The following MRC1 variants were observed in gnomAD, a reference collection of about 807,000 sequenced individuals.
MRC1 encodes the protein macrophage mannose receptor 1.
In MRC1, 62 loss-of-function variants were observed where a neutral mutation model predicts 102.9. The observed-to-expected ratio is 0.60, with a 90% CI of 0.49 to 0.74. The LOEUF (loss-of-function observed/expected upper bound fraction) is 0.74, where lower values mean the gene tolerates loss of function less well. Among genes scored for constraint, MRC1 ranks in the 30% least tolerant of loss-of-function variants. The pLI, the probability that MRC1 is intolerant of heterozygous loss-of-function variation, is 0.00. For synonymous variants in MRC1, 457 were observed against 298.4 expected, an observed-to-expected ratio of 1.53 and a Z score of -5.48; for missense variants, 1,237 against 862.8, an observed-to-expected ratio of 1.43 and a Z score of -5.43.
intron 1 of MRC1, among the ~76,000 whole-genome samples, chr10:17,813,662 T>TAC (rs1189019911): frequency 0.031 from 4,236 of 138,398 alleles, 134 homozygotes; most frequent in African/African-American, 0.08. Flanking sequence ...TATATATATA[T>TAC]ACACACACAC....
At chr10:17,880,760 A>T in intron 20 of MRC1, 90 bp downstream of exon 20, 1 of 763,590 alleles carries the variant, frequency 1.3e-6, no homozygotes. Context: ...TGCTAGCCTC[A>T]TTACTTTAGA....
At chr10:17,862,606 A>G (rs1299310662) in intron 10 of MRC1, among the ~76,000 whole-genome samples, 1 of 152,196 alleles carries the variant, frequency 6.6e-6, no homozygotes, top group South Asian at 2.1e-4. Flanking sequence ...ACTGTTGTTA[A>G]ATATGGTTTA....
intron 6 of MRC1, among the ~76,000 whole-genome samples, chr10:17,847,551 A>T (rs1439173645): frequency 6.6e-6 from 1 of 152,226 alleles, no homozygotes; most frequent in Non-Finnish European, 1.5e-5. Flanking sequence ...AGCATACGGG[A>T]TTAGCAACAG....
intron 22 of MRC1, among the ~76,000 whole-genome samples, chr10:17,891,399 C>T (rs1833673662): frequency 6.6e-6 from 1 of 152,072 alleles, no homozygotes; most frequent in Non-Finnish European, 1.5e-5. Context: ...ACCTCCTGAC[C>T]TCGTGATCTG....
chr10:17,867,178 C>T (rs1197068486), intron 12 of MRC1, among the ~76,000 whole-genome samples: 1 of 148,320 alleles, frequency 6.7e-6, no homozygotes, highest in African/African-American at 2.5e-5. Context: ...TTCCTCCTTT[C>T]CATCTTTTCT....
chr10:17,849,552 T>G, intron 6 of MRC1, 27 bp from the exon 7 acceptor site: 1 of 676,128 alleles, frequency 1.5e-6, no homozygotes, highest in Non-Finnish European at 2.7e-6. Context: ...TTTAAAATTT[T>G]TTTCCGACCC....
intron 17 of MRC1, 62 bp from the exon 18 acceptor site, chr10:17,877,838 G>T (rs1833458008): frequency 2.3e-6 from 2 of 869,350 alleles, no homozygotes; most frequent in Admixed American, 1.7e-5. Context: ...TGTATGTTTT[G>T]TTTAAGAACT....
chr10:17,827,792 G>A (rs1195339349), intron 3 of MRC1, 77 bp downstream of exon 3: 1 of 769,264 alleles, frequency 1.3e-6, no homozygotes, highest in Non-Finnish European at 2.4e-6. Context: ...AATTTATCTA[G>A]AGCATTTTTC....
chr10:17,822,778 A>G (rs1838415570), intron 1 of MRC1, among the ~76,000 whole-genome samples: 1 of 152,152 alleles, frequency 6.6e-6, no homozygotes, highest in Non-Finnish European at 1.5e-5. Flanking sequence ...ATCCTTGGGC[A>G]TGTAAGGTGG....
At chr10:17,866,463 A>G (rs1833268985) in intron 11 of MRC1, 99 bp from the exon 12 acceptor site, 2 of 778,702 alleles carry the variant, frequency 2.6e-6, no homozygotes, top group Non-Finnish European at 4.8e-6. Flanking sequence ...ATAATTGGGC[A>G]TCAGAACCCT....
intron 8 of MRC1, 85 bp from the exon 9 acceptor site, chr10:17,856,157 G>A (rs1422073256): frequency 8.5e-6 from 6 of 707,750 alleles, no homozygotes; most frequent in Admixed American, 2.4e-5. Context: ...GGGACAGAGT[G>A]AGACACTGTC....
chr10:17,844,783 A>G (rs1278183286), intron 5 of MRC1, among the ~76,000 whole-genome samples: 1 of 152,096 alleles, frequency 6.6e-6, no homozygotes, highest in Non-Finnish European at 1.5e-5. Flanking sequence ...CTTTGTGTCC[A>G]TGAGTACTCG....
At chr10:17,871,422 G>T (rs1029250166) in intron 14 of MRC1, among the ~76,000 whole-genome samples, 1 of 152,092 alleles carries the variant, frequency 6.6e-6, no homozygotes, top group Non-Finnish European at 1.5e-5. Flanking sequence ...GAACCCCGTG[G>T]GTTATGATTC....
chr10:17,827,450 T>TAAGAGG, intron 2 of MRC1, 92 bp from the exon 3 acceptor site: 1 of 601,328 alleles, frequency 1.7e-6, no homozygotes. Flanking sequence ...ATCAGAACAG[T>TAAGAGG]AAGACCAATT....
intron 28 of MRC1, among the ~76,000 whole-genome samples, chr10:17,908,094 G>A (rs1332139041): frequency 6.6e-6 from 1 of 152,214 alleles, no homozygotes; most frequent in South Asian, 2.1e-4. Context: ...AATGAGTCAC[G>A]TCAGACTAAT....
chr10:17,846,521 T>C (rs1838828154), intron 6 of MRC1, among the ~76,000 whole-genome samples: 1 of 152,196 alleles, frequency 6.6e-6, no homozygotes, highest in African/African-American at 2.4e-5. Flanking sequence ...ATTCAAAAGA[T>C]ACAACATGAT....
chr10:17,833,974 A>C, intron 4 of MRC1, 135 bp downstream of exon 4: 1 of 639,030 alleles, frequency 1.6e-6, no homozygotes, highest in Non-Finnish European at 2.8e-6. Flanking sequence ...GGATGTCATG[A>C]CAAATCTGTA....
At chr10:17,863,513 T>C (rs1288293661) in intron 10 of MRC1, 21 bp from the exon 11 acceptor site, 8 of 780,280 alleles carry the variant, frequency 1.0e-5, no homozygotes, top group African/African-American at 1.7e-5. Context: ...CTTAATTGAA[T>C]GTTAATTCTT....
At chr10:17,872,373 G>C (rs1208935210) in intron 15 of MRC1, among the ~76,000 whole-genome samples, 1 of 152,158 alleles carries the variant, frequency 6.6e-6, no homozygotes, top group Non-Finnish European at 1.5e-5. Flanking sequence ...TAGTTCCCAC[G>C]AGCAGCTCTG....
Sources: allele counts gnomAD v4.1 joint callset (sites outside exome capture counted in the v4.1 genomes callset), GRCh38; gene constraint gnomAD v4.1.1; transcripts MANE v1.5; gene names NCBI Gene and HGNC (gene_info 2026-07-23, HGNC 2026-07-21).